The following OSBPL1A variants were observed in gnomAD, a reference collection of about 807,000 sequenced individuals.
OSBPL1A encodes oxysterol binding protein like 1A.
A neutral mutation model predicts 137.1 loss-of-function variants in OSBPL1A; 80 were observed. The ratio of observed to expected loss-of-function variants is 0.58; its 90% CI spans 0.49 to 0.70. The LOEUF (loss-of-function observed/expected upper bound fraction) is 0.70, where lower values mean the gene tolerates loss of function less well. Among genes scored for constraint, OSBPL1A ranks in the 30% least tolerant of loss-of-function variants. OSBPL1A has a pLI of 0.00. For missense variants in OSBPL1A, 970 were observed against 1,129.4 expected (o/e 0.86, Z 2.02); for synonymous variants, 365 against 389.7 (o/e 0.94, Z 0.75).
intron 1 of OSBPL1A, 127 bp from the exon 2 acceptor site, chr18:24,377,662 A>T: frequency 1.0e-6 from 1 of 959,646 alleles, no homozygotes; most frequent in Non-Finnish European, 1.5e-6. Flanking sequence ...CAACAACTGA[A>T]TAAATCCGTT....
intron 4 of OSBPL1A, among the ~76,000 whole-genome samples, chr18:24,356,313 C>T (rs751040182): frequency 5.3e-5 from 8 of 152,188 alleles, no homozygotes; most frequent in Non-Finnish European, 1.0e-4. Context: ...CATGAACTGT[C>T]GTGAATTCCC....
chr18:24,224,938 C>T, intron 17 of OSBPL1A, 104 bp downstream of exon 17: 1 of 1,446,372 alleles, frequency 6.9e-7, no homozygotes, highest in Non-Finnish European at 9.4e-7. Flanking sequence ...CAATATAAAT[C>T]CCCTACACGG....
At chr18:24,337,375 T>TTAACA (rs71375133) in intron 5 of OSBPL1A, among the ~76,000 whole-genome samples, 23,881 of 141,282 alleles carry the variant, frequency 0.17, 2,171 homozygotes, top group Middle Eastern at 0.22. Context: ...AAACATAACA[T>TTAACA]TAACATAACA....
Position 24,272,279 on chromosome 18 carries a change from C to T in OSBPL1A, c.1281+8563G>A, listed in dbSNP as rs541653736. 7.7e-4 allele frequency: 757 copies of T among 979,084 alleles called. 2 individuals are homozygous for T. Among genetic ancestry groups the T allele is most frequent in the Non-Finnish European group, 9.0e-4 (742 of 824,896 alleles). 60.6% of individuals were successfully genotyped at this position (979,084 alleles called of 1,614,324 possible). A position where few individuals can be genotyped will look rare whatever the true frequency, so the allele number is the denominator to read the frequency against. Reference sequence around the variant, plus strand: ...TCTTTTTTTTTTTTTTTAACCAACCCGCCCCTTGGGAAACTCTGGAAAGCA... The same window carrying T: ...TCTTTTTTTTTTTTTTTAACCAACCTGCCCCTTGGGAAACTCTGGAAAGCA... On this transcript the variant is annotated intron_variant, in intron 15 of 27. Coordinates refer to ENST00000319481, the MANE Select transcript of OSBPL1A (RefSeq NM_080597.4).
intron 5 of OSBPL1A, among the ~76,000 whole-genome samples, chr18:24,337,375 T>TTAACATAACAACATAACA (rs2091192275): frequency 7.1e-6 from 1 of 141,314 alleles, no homozygotes; most frequent in African/African-American, 2.7e-5. Flanking sequence ...AAACATAACA[T>TTAACATAACAACATAACA]TAACATAACA....
chr18:24,290,156 A>T (rs921999176), intron 14 of OSBPL1A, among the ~76,000 whole-genome samples: 20 of 152,188 alleles, frequency 1.3e-4, no homozygotes, highest in African/African-American at 4.6e-4. Flanking sequence ...CACTGGTGGT[A>T]CCTAGCAGAC....
intron 15 of OSBPL1A, among the ~76,000 whole-genome samples, chr18:24,249,668 C>T (rs376751026): frequency 1.8e-4 from 28 of 152,280 alleles, no homozygotes; most frequent in African/African-American, 6.5e-4. Flanking sequence ...CGAGCAAAGC[C>T]AGGCTGGGCT....
intron 15 of OSBPL1A, among the ~76,000 whole-genome samples, chr18:24,242,429 G>C (rs1468784107): frequency 2.6e-5 from 4 of 151,492 alleles, no homozygotes; most frequent in Non-Finnish European, 5.9e-5. Context: ...GAGGTTTTGG[G>C]AACTGTGGCC....
Position 24,222,809 on chromosome 18 carries a change from A to T in OSBPL1A, c.1601+2233T>A, listed in dbSNP as rs73967702. On this transcript the variant is annotated intron_variant, in intron 17 of 27. Coordinates refer to ENST00000319481, the MANE Select transcript of OSBPL1A (RefSeq NM_080597.4). ...TCTTTTCTCATTTTAAAAAATACAC[A>T]GTCTCTCTTTAAAAAATAGTTTATA... 9.2e-3 allele frequency among the ~76,000 whole-genome samples: 1,403 copies of T among 152,080 alleles called. 19 individuals carry two copies. The highest frequency in any genetic ancestry group is 0.032 in the African/African-American group (1,306 of 41,426).
intron 27 of OSBPL1A, among the ~76,000 whole-genome samples, chr18:24,164,358 T>C (rs901054649): frequency 1.3e-5 from 2 of 148,486 alleles, no homozygotes; most frequent in Admixed American, 6.7e-5. Flanking sequence ...AGCAAGCTCA[T>C]ACACTCGTAG....
intron 2 of OSBPL1A, among the ~76,000 whole-genome samples, 153 bp downstream of exon 2, chr18:24,377,260 G>A (rs973640650): frequency 5.9e-5 from 9 of 152,216 alleles, no homozygotes; most frequent in African/African-American, 2.2e-4. Context: ...CTCAGAGGGG[G>A]CTAGGAGAGA....
intron 15 of OSBPL1A, among the ~76,000 whole-genome samples, chr18:24,263,615 G>A (rs2089495659): frequency 6.6e-6 from 1 of 152,044 alleles, no homozygotes; most frequent in South Asian, 2.1e-4. Flanking sequence ...CAAAACCATA[G>A]CATAAGGTAA....
At chr18:24,331,802 C>T (rs1284770783) in intron 7 of OSBPL1A, among the ~76,000 whole-genome samples, 6 of 152,148 alleles carry the variant, frequency 3.9e-5, no homozygotes, top group African/African-American at 9.7e-5. Context: ...TCATTATATA[C>T]GTATTCCATA....
chr18:24,392,361 G>A (rs547442590), intron 1 of OSBPL1A, among the ~76,000 whole-genome samples: 1 of 151,944 alleles, frequency 6.6e-6, no homozygotes, highest in South Asian at 2.1e-4. Context: ...GTTTCTCCAT[G>A]TTGGTCAGGC....
intron 14 of OSBPL1A, among the ~76,000 whole-genome samples, chr18:24,300,312 C>T (rs575426559): frequency 3.9e-5 from 6 of 152,128 alleles, no homozygotes; most frequent in East Asian, 1.9e-4. Context: ...CTGAAAATAA[C>T]GCTGGGAAAT....
In OSBPL1A at chr18:24,303,772, A is replaced by G. The variant is rs1406178668; in HGVS notation, c.1093-54T>C. 2.1e-6 allele frequency: 3 copies of G among 1,431,080 alleles called. No individual in the cohort carries two copies. In the African/African-American group the frequency reaches 4.2e-5, roughly 20 times the overall value. 88.6% of individuals were successfully genotyped at this position (1,431,080 alleles called of 1,614,324 possible). A position where few individuals can be genotyped will look rare whatever the true frequency, so the allele number is the denominator to read the frequency against. ...ACAAAGTAATAAAAGATTTTACATT[A>G]CTTATGCTTTAGTGTTTCTATCAAA... On this transcript the variant is annotated intron_variant, in intron 13 of 27. Transcript: ENST00000319481.
chr18:24,390,273 A>G (rs1197495663), intron 1 of OSBPL1A, among the ~76,000 whole-genome samples: 2 of 152,280 alleles, frequency 1.3e-5, no homozygotes, highest in Non-Finnish European at 2.9e-5. Context: ...TATACCCAAA[A>G]GAACTAAAAG....
intron 18 of OSBPL1A, among the ~76,000 whole-genome samples, chr18:24,187,761 G>C (rs950597845): frequency 2.6e-5 from 4 of 152,232 alleles, no homozygotes; most frequent in Non-Finnish European, 4.4e-5. Flanking sequence ...CTGAGCTGCA[G>C]AGAAGCTACA....
rs149804335 is a variant in OSBPL1A at position 24,351,698 on chromosome 18, C to T, written c.283-10040G>A. ...GGGATTATAGGTGTGTGCCACCATGCGCAGATAATTTTTGTATTTTTAGTA... is the reference window on the plus strand; with the variant it reads ...GGGATTATAGGTGTGTGCCACCATGTGCAGATAATTTTTGTATTTTTAGTA... On this transcript the variant is annotated intron_variant, in intron 4 of 27. Coordinates refer to ENST00000319481, the MANE Select transcript of OSBPL1A (RefSeq NM_080597.4). Among the ~76,000 whole-genome samples the T allele has an allele frequency of 4.1e-3, 625 of 152,190 alleles. 4 individuals are homozygous for T. Among genetic ancestry groups the T allele is most frequent in the African/African-American group, 0.014 (585 of 41,524 alleles).
Sources: gnomAD v4.1 joint callset for allele counts (sites outside exome capture counted in the v4.1 genomes callset) on GRCh38, gnomAD v4.1.1 for gene constraint, MANE v1.5 for transcripts, NCBI Gene and HGNC (gene_info 2026-07-23, HGNC 2026-07-21) for gene names.